NAA11: variants seen among roughly 807,000 people sequenced by gnomAD.
NAA11 encodes the protein N-alpha-acetyltransferase 11, NatA catalytic subunit.
Under a neutral mutation model 16.1 loss-of-function variants are expected in NAA11, and 15 were observed. The ratio of observed to expected loss-of-function variants is 0.93; its 90% CI spans 0.62 to 1.44. NAA11 has a LOEUF of 1.44. Ranked by LOEUF, NAA11 falls within the 40% of genes most tolerant of loss-of-function variation. NAA11 has a pLI of 0.00. For synonymous variants in NAA11, 122 were observed against 112.4 expected (o/e 1.09, Z -0.54); for missense variants, 298 against 291.3 (o/e 1.02, Z -0.17).
At chr4:79,299,982 G>GT (rs755566043) in intron 1 of NAA11, among the ~76,000 whole-genome samples, 15 of 152,144 alleles carry the variant, frequency 9.9e-5, no homozygotes, top group Non-Finnish European at 1.9e-4. Flanking sequence ...GTTCAGCTTG[G>GT]TTTCCCCATT....
the NAA11 span, among the ~76,000 whole-genome samples, chr4:79,208,150 G>A: frequency 1.3e-5 from 2 of 152,106 alleles, no homozygotes; most frequent in African/African-American, 2.4e-5. Flanking sequence ...AGAATGTTGC[G>A]AGAATCAAGG....
downstream of NAA11, among the ~76,000 whole-genome samples, chr4:79,313,683 T>C (rs1723847756): frequency 6.6e-6 from 1 of 152,132 alleles, no homozygotes; most frequent in African/African-American, 2.4e-5. Context: ...CTCAAGGAAA[T>C]GATCTGTGTC....
the NAA11 span, among the ~76,000 whole-genome samples, chr4:79,188,572 G>A: frequency 7.2e-4 from 108 of 150,028 alleles, 1 homozygote; most frequent in African/African-American, 2.6e-3. Context: ...GCGACAGAGC[G>A]AGACTCCGCC....
chr4:79,284,442 C>A (rs1425912669), intron 2 of NAA11, among the ~76,000 whole-genome samples: 1 of 152,078 alleles, frequency 6.6e-6, no homozygotes, highest in Non-Finnish European at 1.5e-5. Context: ...ATATCCATGT[C>A]TATCAATCAA....
chr4:79,321,249 G>C (rs2110017265), intron 1 of NAA11, among the ~76,000 whole-genome samples: 1 of 152,316 alleles, frequency 6.6e-6, no homozygotes, highest in South Asian at 2.1e-4. Context: ...ACTTCTCAAA[G>C]TCCAGAGCAC....
At chr4:79,233,227 T>G (rs979567790) in intron 2 of NAA11, among the ~76,000 whole-genome samples, 1 of 151,980 alleles carries the variant, frequency 6.6e-6, no homozygotes, top group Non-Finnish European at 1.5e-5. Context: ...CACCTTTCCA[T>G]GTGTATACAG....
chr4:79,168,748 T>G, the NAA11 span, among the ~76,000 whole-genome samples: 35 of 151,736 alleles, frequency 2.3e-4, no homozygotes, highest in African/African-American at 7.7e-4. Flanking sequence ...TTTGTTTAAG[T>G]TTTTTGTAGA....
the NAA11 span, among the ~76,000 whole-genome samples, chr4:79,178,113 A>G: frequency 6.6e-6 from 1 of 152,156 alleles, no homozygotes; most frequent in Non-Finnish European, 1.5e-5. Context: ...CTTAACTTTC[A>G]CAGCAAATTT....
the NAA11 span, among the ~76,000 whole-genome samples, chr4:79,176,322 G>T: frequency 1.3e-5 from 2 of 152,106 alleles, no homozygotes; most frequent in Non-Finnish European, 2.9e-5. Flanking sequence ...TATTAATCAG[G>T]ATTCTTCAGA....
At chr4:79,160,886 A>G in the NAA11 span, among the ~76,000 whole-genome samples, 2 of 152,266 alleles carry the variant, frequency 1.3e-5, no homozygotes, top group South Asian at 2.1e-4. Context: ...GGAATCCAGA[A>G]TAGGAAAAAA....
chr4:79,165,278 A>G, the NAA11 span, among the ~76,000 whole-genome samples: 1 of 152,200 alleles, frequency 6.6e-6, no homozygotes, highest in African/African-American at 2.4e-5. Flanking sequence ...CACTCTGTCA[A>G]CCACATCTCC....
chr4:79,323,682 G>T (rs374263539), intron 1 of NAA11, among the ~76,000 whole-genome samples: 1 of 152,148 alleles, frequency 6.6e-6, no homozygotes, highest in Admixed American at 6.5e-5. Context: ...TTAGCCAGGC[G>T]TGGTGGCAGG....
At chr4:79,319,767 T>G (rs1724036556) in intron 1 of NAA11, among the ~76,000 whole-genome samples, 1 of 152,218 alleles carries the variant, frequency 6.6e-6, no homozygotes. Flanking sequence ...GCATTTGAAA[T>G]CTATGGTTTC....
rs55884114 is a variant in NAA11, at chr4:79,254,645, C to CT, written c.*123-28376dup. Among the ~76,000 whole-genome samples, 1,229 of 123,176 alleles carry CT rather than the reference C, an allele frequency of 1.0e-2. 13 individuals are homozygous for CT. The highest frequency in any genetic ancestry group is 0.032 in the African/African-American group (1,058 of 33,342). 80.8% of individuals were successfully genotyped at this position (123,176 alleles called of 152,430 possible). ...ATATTTAAAAAGGATTTGTCCTTTTCTTTTTTTTTTTTTTACTTTTTTCTT... is the reference window on the plus strand; with the variant it reads ...ATATTTAAAAAGGATTTGTCCTTTTCTTTTTTTTTTTTTTTACTTTTTTCTT... On this transcript the variant is annotated intron_variant and NMD_transcript_variant, in intron 2 of 2. Transcript: ENST00000511542.
chr4:79,170,933 C>CAAA, the NAA11 span, among the ~76,000 whole-genome samples: 1 of 151,244 alleles, frequency 6.6e-6, no homozygotes, highest in African/African-American at 2.4e-5. Context: ...CACAAAAAAA[C>CAAA]AAAAAAAAAA....
intron 2 of NAA11, among the ~76,000 whole-genome samples, chr4:79,239,036 T>G (rs1012944975): frequency 1.3e-5 from 2 of 152,120 alleles, no homozygotes; most frequent in African/African-American, 4.8e-5. Context: ...AGACTTATGT[T>G]TAAGTCTAGA....
the NAA11 span, chr4:79,197,754 C>T: frequency 2.0e-5 from 3 of 152,018 alleles, no homozygotes; most frequent in Non-Finnish European, 4.4e-5. Context: ...ATGATCTAAA[C>T]ACACCTGAAT....
the NAA11 span, among the ~76,000 whole-genome samples, chr4:79,169,181 C>T: frequency 1.6e-4 from 25 of 152,100 alleles, no homozygotes; most frequent in Non-Finnish European, 3.2e-4. Context: ...CCATGCTGCA[C>T]AAAGTAATTT....
At chr4:79,202,080 C>T in the NAA11 span, among the ~76,000 whole-genome samples, 2 of 151,596 alleles carry the variant, frequency 1.3e-5, no homozygotes, top group South Asian at 4.1e-4. Flanking sequence ...TCCTTCCCTT[C>T]CTTCTGTCCT....
Sources: allele counts gnomAD v4.1 joint callset (sites outside exome capture counted in the v4.1 genomes callset), GRCh38; gene constraint gnomAD v4.1.1; transcripts MANE v1.5; gene names NCBI Gene and HGNC (gene_info 2026-07-23, HGNC 2026-07-21).